Variants in CLDN16 observed in about 807,000 individuals in gnomAD.
CLDN16 encodes claudin-16.
In CLDN16, 13 loss-of-function variants were observed where a neutral mutation model predicts 24.6. That is an observed-to-expected ratio of 0.53 (90% CI 0.34 to 0.84). CLDN16 has a LOEUF of 0.84. CLDN16 is among the 40% of genes least tolerant of loss of function. The pLI is 0.01. For synonymous variants in CLDN16, 116 were observed against 106.7 expected, an observed-to-expected ratio of 1.09 and a Z score of -0.54; for missense variants, 298 against 292.7, an observed-to-expected ratio of 1.02 and a Z score of -0.13.
intron 1 of CLDN16, among the ~76,000 whole-genome samples, chr3:190,328,382 A>C (rs995119794): frequency 6.6e-6 from 1 of 152,172 alleles, no homozygotes; most frequent in Non-Finnish European, 1.5e-5. Flanking sequence ...GATGTTAGGC[A>C]AGTTAATTAA....
the CLDN16 span, among the ~76,000 whole-genome samples, chr3:190,308,995 C>G: frequency 1.6e-4 from 24 of 152,194 alleles, no homozygotes; most frequent in African/African-American, 5.5e-4. Flanking sequence ...AAAGCAGACA[C>G]TTAGGGTGGG....
At chr3:190,373,223 T>A (rs1718178579) in intron 2 of CLDN16, among the ~76,000 whole-genome samples, 1 of 130,288 alleles carries the variant, frequency 7.7e-6, no homozygotes, top group South Asian at 2.4e-4. Flanking sequence ...ATAATAAATA[T>A]CTGTTTCAGC....
intron 1 of CLDN16, among the ~76,000 whole-genome samples, chr3:190,341,275 C>G (rs1357348944): frequency 6.6e-6 from 1 of 152,190 alleles, no homozygotes; most frequent in Non-Finnish European, 1.5e-5. Context: ...GGACCCCACC[C>G]CTGTAGCAAA....
upstream of CLDN16, among the ~76,000 whole-genome samples, chr3:190,383,585 TATTACCTGAAAC>T (rs1338953162): frequency 6.6e-6 from 1 of 152,134 alleles, no homozygotes; most frequent in Non-Finnish European, 1.5e-5. Flanking sequence ...AAATACATTA[TATTACCTGAAAC>T]ATTACCTGAA....
At chr3:190,321,081 T>C (rs1362558068), upstream of CLDN16, among the ~76,000 whole-genome samples, 3 of 152,172 alleles carry the variant, frequency 2.0e-5, no homozygotes, top group African/African-American at 7.2e-5. Context: ...TACACAGAAA[T>C]TTCTTTGTGG....
intron 1 of CLDN16, among the ~76,000 whole-genome samples, chr3:190,343,348 C>A (rs1234588788): frequency 6.6e-6 from 1 of 152,026 alleles, no homozygotes; most frequent in African/African-American, 2.4e-5. Context: ...AAGCCTTGTA[C>A]ACTTTTGGGA....
At chr3:190,322,330 C>T, upstream of CLDN16, 1 of 871,064 alleles carries the variant, frequency 1.1e-6, no homozygotes, top group Non-Finnish European at 1.8e-6. Flanking sequence ...GCGGGGAGCC[C>T]TGCTCGCTGC....
chr3:190,323,147 T>G (rs188135652), intron 1 of CLDN16, among the ~76,000 whole-genome samples: 1 of 152,294 alleles, frequency 6.6e-6, no homozygotes, highest in African/African-American at 2.4e-5. Flanking sequence ...TTTGATGTAT[T>G]ATTGTCCTTA....
intron 1 of CLDN16, among the ~76,000 whole-genome samples, chr3:190,341,192 C>T (rs1717424673): frequency 6.6e-6 from 1 of 152,176 alleles, no homozygotes; most frequent in African/African-American, 2.4e-5. Context: ...GGTGGTGCCC[C>T]AGTAGGGACT....
chr3:190,325,166 C>T (rs1304419604), intron 1 of CLDN16, among the ~76,000 whole-genome samples: 3 of 152,140 alleles, frequency 2.0e-5, no homozygotes, highest in Admixed American at 6.5e-5. Flanking sequence ...GCTATCTCTA[C>T]GTGCAGGTAA....
At chr3:190,368,707 G>A (rs1022704808) in intron 1 of CLDN16, among the ~76,000 whole-genome samples, 4 of 151,922 alleles carry the variant, frequency 2.6e-5, no homozygotes, top group Non-Finnish European at 4.4e-5. Flanking sequence ...TGTATGAGGA[G>A]GCCAGAGTCA....
chr3:190,399,658 T>G (rs1426419520), intron 1 of CLDN16, among the ~76,000 whole-genome samples: 1 of 152,210 alleles, frequency 6.6e-6, no homozygotes, highest in East Asian at 1.9e-4. Flanking sequence ...ATCTCAAACA[T>G]TTATTTTTTG....
In CLDN16 at chr3:190,393,899, C is replaced by T. The variant is rs540688607; in HGVS notation, c.114+5456C>T. ...CTGAGTAGCCGGGACTACAGGCAAG[C>T]ACCACCACACCCGGCTAATTTTTTT... On this transcript the variant is annotated intron_variant, in intron 1 of 4. Coordinates refer to ENST00000264734, the MANE Select transcript of CLDN16 (RefSeq NM_006580.4). Among the ~76,000 whole-genome samples, 17 of 152,014 alleles carry T rather than the reference C, an allele frequency of 1.1e-4. No individual in the cohort carries two copies. The South Asian group carries it at 3.1e-3, about 28-fold the overall frequency.
chr3:190,339,344 T>C (rs16865406), intron 1 of CLDN16, among the ~76,000 whole-genome samples: 10,452 of 152,218 alleles, frequency 0.069, 551 homozygotes, highest in African/African-American at 0.14. Context: ...CACCTAGTGG[T>C]CATTTCCTGT....
At chr3:190,309,504 G>A in the CLDN16 span, among the ~76,000 whole-genome samples, 4 of 152,168 alleles carry the variant, frequency 2.6e-5, no homozygotes, top group Non-Finnish European at 5.9e-5. Context: ...ACTGAATGTA[G>A]TTATTAGGCA....
In CLDN16 at chr3:190,366,076, C is replaced by T. The variant is rs148365035; in HGVS notation, n.122-4817C>T. Among the ~76,000 whole-genome samples the T allele has an allele frequency of 4.1e-4, 63 of 152,038 alleles. 1 individual carries two copies. The highest frequency in any genetic ancestry group is 4.6e-4 in the Non-Finnish European group (31 of 67,902). ...TGCCTTCTCAAGTTTAAAGATCCTA[C>T]TTCTCAATCAATGCTTTCTGGAGCT... On this transcript the variant is annotated intron_variant and non_coding_transcript_variant, in intron 1 of 4. Transcript: ENST00000468220.
intron 1 of CLDN16, among the ~76,000 whole-genome samples, chr3:190,341,434 G>A (rs1392884873): frequency 6.6e-6 from 1 of 152,156 alleles, no homozygotes; most frequent in Non-Finnish European, 1.5e-5. Context: ...TGAAGTCATG[G>A]CCTGAGCTCT....
At chr3:190,409,162 A>G (rs931865703) in intron 4 of CLDN16, among the ~76,000 whole-genome samples, 1 of 151,328 alleles carries the variant, frequency 6.6e-6, no homozygotes. Flanking sequence ...GTAGGAATAC[A>G]CCCATGTATA....
intron 1 of CLDN16, among the ~76,000 whole-genome samples, chr3:190,399,851 C>T (rs555999895): frequency 2.6e-5 from 4 of 152,198 alleles, no homozygotes; most frequent in South Asian, 2.1e-4. Context: ...TGAGCATTAC[C>T]GCCTAATGGT....
Sources: gnomAD v4.1 joint callset for allele counts (sites outside exome capture counted in the v4.1 genomes callset) on GRCh38, gnomAD v4.1.1 for gene constraint, MANE v1.5 for transcripts, NCBI Gene and HGNC (gene_info 2026-07-23, HGNC 2026-07-21) for gene names.